Variants in ANKRD33B observed in about 807,000 individuals in gnomAD.
The protein encoded by ANKRD33B is ankyrin repeat domain-containing protein 33B.
ANKRD33B carries 6 observed loss-of-function variants against 21.5 expected under a neutral mutation model. The ratio of observed to expected loss-of-function variants is 0.28; its 90% CI spans 0.15 to 0.55. The LOEUF is 0.55. ANKRD33B is among the 20% of genes least tolerant of loss of function. The pLI is 0.94. For missense variants in ANKRD33B, 698 were observed against 747.2 expected (o/e 0.93, Z 0.77); for synonymous variants, 347 against 342.4 (o/e 1.01, Z -0.15).
At chr5:10,598,682 C>T (rs1735868811) in intron 1 of ANKRD33B, among the ~76,000 whole-genome samples, 1 of 152,146 alleles carries the variant, frequency 6.6e-6, no homozygotes. Flanking sequence ...CTCTAGCAAT[C>T]CTCCCATCTC....
intron 1 of ANKRD33B, among the ~76,000 whole-genome samples, chr5:10,612,792 T>G (rs972253838): frequency 2.0e-5 from 3 of 152,232 alleles, no homozygotes; most frequent in African/African-American, 7.2e-5. Flanking sequence ...CTGAGATGAT[T>G]GAAACTTGCC....
At chr5:10,613,852 A>G (rs1279740028) in intron 1 of ANKRD33B, among the ~76,000 whole-genome samples, 1 of 151,482 alleles carries the variant, frequency 6.6e-6, no homozygotes, top group Non-Finnish European at 1.5e-5. Context: ...GTGAGCCGAG[A>G]TCGTGTCAGT....
At chr5:10,585,994 T>C (rs942068947) in intron 1 of ANKRD33B, among the ~76,000 whole-genome samples, 3 of 152,222 alleles carry the variant, frequency 2.0e-5, no homozygotes, top group African/African-American at 7.2e-5. Flanking sequence ...CGGGGCTCTA[T>C]CATCAAGGAC....
intron 2 of ANKRD33B, among the ~76,000 whole-genome samples, chr5:10,635,174 C>T (rs1736826958): frequency 1.3e-5 from 2 of 152,144 alleles, no homozygotes; most frequent in African/African-American, 2.4e-5. Flanking sequence ...TATATCAGTG[C>T]AAAGGAACAT....
chr5:10,655,634 G>T lies in ANKRD33B; in HGVS notation c.*5521G>T, dbSNP rs1203314859. The T allele has an allele frequency of 2.0e-5, 3 of 152,342 alleles. No individual in the cohort carries two copies. The highest frequency in any genetic ancestry group is 7.2e-5 in the African/African-American group (3 of 41,438). The allele number at this position is 152,342 out of a possible 1,614,324, so 9.4% of individuals were successfully genotyped here. Reference sequence around the variant, plus strand: ...CCTGCGGTGGTCAGAGTCCCCCTGTGCTGTGTCAGCTCCTGGACACTACTA... The same window carrying T: ...CCTGCGGTGGTCAGAGTCCCCCTGTTCTGTGTCAGCTCCTGGACACTACTA... On this transcript the variant is annotated 3_prime_UTR_variant, in exon 4 of 4. Transcript: ENST00000296657.
At chr5:10,564,994 C>T (rs540388088) in intron 1 of ANKRD33B, among the ~76,000 whole-genome samples, 161 bp downstream of exon 1, 3 of 152,326 alleles carry the variant, frequency 2.0e-5, no homozygotes, top group Non-Finnish European at 2.9e-5. Flanking sequence ...AGCGCGGTGC[C>T]CTGGGTGGCT....
chr5:10,629,512 C>T (rs1001307209), intron 2 of ANKRD33B, among the ~76,000 whole-genome samples: 4 of 151,802 alleles, frequency 2.6e-5, no homozygotes, highest in Non-Finnish European at 4.4e-5. Flanking sequence ...GGAGTAGCTT[C>T]GGAGGAAAGA....
intron 1 of ANKRD33B, among the ~76,000 whole-genome samples, chr5:10,607,319 AG>A (rs1353285456): frequency 6.6e-6 from 1 of 152,204 alleles, no homozygotes; most frequent in Non-Finnish European, 1.5e-5. Context: ...CTCACTCCGG[AG>A]GCCCAGTCTG....
chr5:10,628,847 A>G (rs1736641099), intron 2 of ANKRD33B, among the ~76,000 whole-genome samples: 1 of 152,152 alleles, frequency 6.6e-6, no homozygotes, highest in South Asian at 2.1e-4. Context: ...GTCAAGGGGC[A>G]CCAGGGAAGA....
At chr5:10,633,902 T>C (rs1357754835) in intron 2 of ANKRD33B, among the ~76,000 whole-genome samples, 1 of 152,164 alleles carries the variant, frequency 6.6e-6, no homozygotes, top group Non-Finnish European at 1.5e-5. Flanking sequence ...TTCTCCACTG[T>C]GAGGTTCTCT....
At chr5:10,589,837 T>TG (rs1195206336) in intron 1 of ANKRD33B, among the ~76,000 whole-genome samples, 6 of 152,250 alleles carry the variant, frequency 3.9e-5, no homozygotes, top group Admixed American at 3.3e-4. Flanking sequence ...TGTCAAATAT[T>TG]GTTTTTGTTC....
At chr5:10,575,228 T>G (rs1377931511) in intron 1 of ANKRD33B, among the ~76,000 whole-genome samples, 4 of 151,686 alleles carry the variant, frequency 2.6e-5, no homozygotes, top group South Asian at 4.2e-4. Context: ...ATCAAGACCG[T>G]CCTGGCCAAC....
intron 3 of ANKRD33B, among the ~76,000 whole-genome samples, chr5:10,642,877 T>C (rs1206755068): frequency 6.6e-6 from 1 of 152,142 alleles, no homozygotes; most frequent in Non-Finnish European, 1.5e-5. Flanking sequence ...TTTTGCTTTT[T>C]TGTTCTGTTT....
In ANKRD33B at chr5:10,564,670, G is replaced by C. The variant is rs1230320406; in HGVS notation, c.203G>C (p.Gly68Ala). The C allele has an allele frequency of 2.0e-6, 3 of 1,534,714 alleles. No individual in the cohort carries two copies. The highest frequency in any genetic ancestry group is 2.6e-6 in the Non-Finnish European group (3 of 1,146,532). Reference protein sequence around the residue: ...FYPFEDEEEHGVESAESVPEG... With the variant: ...FYPFEDEEEHAVESAESVPEG... ...CCTTTCGAGGACGAGGAGGAGCACGGCGTCGAGAGCGCGGAGAGCGTCCCG... is the reference window on the plus strand; with the variant it reads ...CCTTTCGAGGACGAGGAGGAGCACGCCGTCGAGAGCGCGGAGAGCGTCCCG... The change falls in exon 1 of 4, where the codon GGC becomes GCC. Residue 68 changes from glycine (G) to alanine (A), a missense_variant. Physicochemically the swap from Gly to Ala is moderately conservative, Grantham distance 60. This residue lies in a region of ANKRD33B where 148 missense variants were observed against 154.9 expected (regional missense o/e 0.96). Transcript: ENST00000296657.
At chr5:10,571,508 G>T (rs560558855) in intron 1 of ANKRD33B, among the ~76,000 whole-genome samples, 42 of 152,262 alleles carry the variant, frequency 2.8e-4, no homozygotes, top group African/African-American at 1.0e-3. Context: ...GGCCTCTTGA[G>T]TATTTATTTG....
At chr5:10,585,481 G>A (rs1338574775) in intron 1 of ANKRD33B, among the ~76,000 whole-genome samples, 1 of 152,224 alleles carries the variant, frequency 6.6e-6, no homozygotes, top group East Asian at 1.9e-4. Flanking sequence ...GGGAGTTTAA[G>A]CATGTGATTA....
At chr5:10,638,003 T>TAC in intron 2 of ANKRD33B, 25 bp from the exon 3 acceptor site, 1 of 1,535,054 alleles carries the variant, frequency 6.5e-7, no homozygotes, top group East Asian at 2.4e-5. Context: ...TGGGAACCAA[T>TAC]ACACGTGTAC....
chr5:10,621,013 G>C (rs1452975706), intron 2 of ANKRD33B, among the ~76,000 whole-genome samples: 2 of 151,600 alleles, frequency 1.3e-5, no homozygotes, highest in African/African-American at 4.9e-5. Flanking sequence ...CCTTTTTTTG[G>C]TACCATTACT....
chr5:10,629,304 T>G (rs1022305840), intron 2 of ANKRD33B, among the ~76,000 whole-genome samples: 1 of 152,154 alleles, frequency 6.6e-6, no homozygotes, highest in Admixed American at 6.5e-5. Flanking sequence ...AACTTTTTTT[T>G]GTAGAGATGA....
Sources: allele counts gnomAD v4.1 joint callset (sites outside exome capture counted in the v4.1 genomes callset), GRCh38; gene constraint gnomAD v4.1.1; regional missense constraint gnomAD v4.1.1; transcripts MANE v1.5; gene names NCBI Gene and HGNC (gene_info 2026-07-23, HGNC 2026-07-21).